Variants in ROR1 observed in about 807,000 individuals in gnomAD.
ROR1 encodes the protein ROR family WNT receptor 1.
In ROR1, 19 loss-of-function variants were observed where a neutral mutation model predicts 78.8. The observed-to-expected ratio is 0.24, with a 90% CI of 0.17 to 0.35. The LOEUF (loss-of-function observed/expected upper bound fraction) is 0.35. Among genes scored for constraint, ROR1 ranks in the 10% least tolerant of loss-of-function variants. The pLI is 1.00. For missense variants in ROR1, 917 were observed against 1,177.8 expected (o/e 0.78, Z 3.24); for synonymous variants, 386 against 433.6 (o/e 0.89, Z 1.36).
At chr1:64,115,437 T>C (rs967140101) in intron 4 of ROR1, among the ~76,000 whole-genome samples, 1 of 151,954 alleles carries the variant, frequency 6.6e-6, no homozygotes, top group African/African-American at 2.4e-5. Context: ...TCTTGTCTTA[T>C]TGCCCAGGCT....
chr1:64,037,210 C>T (rs1035641622), intron 2 of ROR1, among the ~76,000 whole-genome samples: 1 of 152,192 alleles, frequency 6.6e-6, no homozygotes, highest in Non-Finnish European at 1.5e-5. Context: ...AAGGAAAGGG[C>T]ACACAGACTC....
At chr1:63,850,859 G>A (rs1318214775) in intron 1 of ROR1, among the ~76,000 whole-genome samples, 1 of 152,192 alleles carries the variant, frequency 6.6e-6, no homozygotes, top group Admixed American at 6.5e-5. Flanking sequence ...CATAGCAGGA[G>A]ATACTGGGGC....
At chr1:63,993,560 G>A (rs1404637868) in intron 1 of ROR1, among the ~76,000 whole-genome samples, 2 of 152,124 alleles carry the variant, frequency 1.3e-5, no homozygotes, top group East Asian at 3.9e-4. Flanking sequence ...ATATGTATCT[G>A]TGTATAAGAA....
chr1:64,025,818 A>G (rs860644), intron 2 of ROR1, among the ~76,000 whole-genome samples: 143,759 of 152,202 alleles, frequency 0.94, 67,925 homozygotes, highest in East Asian at 1. Flanking sequence ...AAGCTATGAG[A>G]ATGCAAAGGC....
rs180887388 is a variant in ROR1, at chr1:63,847,783, C to G, written c.91+73275C>G. On this transcript the variant is annotated intron_variant, in intron 1 of 8. Coordinates refer to ENST00000371079, the MANE Select transcript of ROR1 (RefSeq NM_005012.4). ...TTCCTTTGACAGAGCTGTGGTTTTC[C>G]TACACACCTTTGTTTGAGGCTTTGA... 1.3e-4 allele frequency among the ~76,000 whole-genome samples: 20 copies of G among 152,252 alleles called. No homozygotes were observed. In the East Asian group the frequency reaches 3.7e-3, roughly 28 times the overall value.
At chr1:63,787,848 C>T (rs901589283) in intron 1 of ROR1, among the ~76,000 whole-genome samples, 4 of 152,212 alleles carry the variant, frequency 2.6e-5, no homozygotes, top group African/African-American at 9.6e-5. Flanking sequence ...TTCAATCCCT[C>T]ATCTGTCACT....
chr1:63,977,399 G>A (rs746864317), intron 1 of ROR1, among the ~76,000 whole-genome samples: 5 of 152,202 alleles, frequency 3.3e-5, no homozygotes, highest in East Asian at 1.9e-4. Context: ...TCATGTTGGC[G>A]CTCCAAAAGT....
intron 1 of ROR1, among the ~76,000 whole-genome samples, chr1:63,922,332 G>A (rs1172842042): frequency 6.6e-6 from 1 of 152,186 alleles, no homozygotes; most frequent in Non-Finnish European, 1.5e-5. Flanking sequence ...CACTTGCCTG[G>A]GGTTTGGTTT....
intron 1 of ROR1, among the ~76,000 whole-genome samples, chr1:63,829,447 A>C (rs1392505728): frequency 6.6e-6 from 1 of 152,178 alleles, no homozygotes; most frequent in African/African-American, 2.4e-5. Flanking sequence ...AGGGATTCCT[A>C]ATTCAGATGT....
chr1:63,822,051 C>A (rs145795271), intron 1 of ROR1, among the ~76,000 whole-genome samples: 2 of 152,122 alleles, frequency 1.3e-5, no homozygotes, highest in East Asian at 3.8e-4. Context: ...GGAAGCTTGC[C>A]GTGATGAATC....
At chr1:64,102,535 T>C (rs1647598208) in intron 4 of ROR1, among the ~76,000 whole-genome samples, 1 of 152,132 alleles carries the variant, frequency 6.6e-6, no homozygotes, top group African/African-American at 2.4e-5. Flanking sequence ...CTCATAGCTG[T>C]GCTTTTATTC....
At chr1:64,017,496 C>T (rs1375250030) in intron 2 of ROR1, among the ~76,000 whole-genome samples, 1 of 152,098 alleles carries the variant, frequency 6.6e-6, no homozygotes, top group Non-Finnish European at 1.5e-5. Flanking sequence ...CGTTTATGGT[C>T]CATCTTGATT....
intron 1 of ROR1, among the ~76,000 whole-genome samples, chr1:63,903,789 T>C (rs1375061645): frequency 6.6e-6 from 1 of 151,874 alleles, no homozygotes; most frequent in Non-Finnish European, 1.5e-5. Flanking sequence ...ATATATTTTC[T>C]CATTCTCTTT....
At chr1:64,153,094 G>A (rs546886886) in intron 7 of ROR1, among the ~76,000 whole-genome samples, 7 of 152,004 alleles carry the variant, frequency 4.6e-5, no homozygotes, top group African/African-American at 7.2e-5. Context: ...AGATTGGCCC[G>A]ATTAAAAAGT....
At position 64,025,612 on chromosome 1, in the gene ROR1, CATATACACACATATGTACATATAT is replaced by C. The variant is rs1177393681; in HGVS notation, c.163+16251_163+16274del. Among the ~76,000 whole-genome samples the C allele has an allele frequency of 3.0e-3, 456 of 152,010 alleles. 2 individuals are homozygous for C. The highest frequency in any genetic ancestry group is 0.01 in the African/African-American group (427 of 41,452). ...ATATATATATGTATATATACATACACATATACACACATATGTACATATATATATACACACATATACACATATATA... is the reference window on the plus strand; with the variant it reads ...ATATATATATGTATATATACATACACATATACACACATATACACATATATA... On this transcript the variant is annotated intron_variant, in intron 2 of 8. Coordinates refer to ENST00000371079, the MANE Select transcript of ROR1 (RefSeq NM_005012.4).
chr1:63,904,344 T>A (rs1224189686), intron 1 of ROR1, among the ~76,000 whole-genome samples: 2 of 152,214 alleles, frequency 1.3e-5, no homozygotes, highest in Non-Finnish European at 2.9e-5. Flanking sequence ...TAGCCAGATG[T>A]TGGCAGAGTT....
intron 2 of ROR1, among the ~76,000 whole-genome samples, chr1:64,012,293 CT>C (rs1646482224): frequency 6.6e-6 from 1 of 152,138 alleles, no homozygotes; most frequent in Admixed American, 6.6e-5. Context: ...GAAAATTCTG[CT>C]GAGGATGTGA....
chr1:64,051,686 AG>A (rs1182120512), intron 4 of ROR1, among the ~76,000 whole-genome samples: 1 of 152,070 alleles, frequency 6.6e-6, no homozygotes, highest in Non-Finnish European at 1.5e-5. Context: ...TCACTTTAAG[AG>A]TATCTACTTG....
chr1:64,093,455 C>T (rs922645872), intron 4 of ROR1, among the ~76,000 whole-genome samples: 2 of 152,084 alleles, frequency 1.3e-5, no homozygotes, highest in African/African-American at 2.4e-5. Context: ...CCTTTTCTTT[C>T]CCCAATACAA....
Sources: gnomAD v4.1 joint callset for allele counts (sites outside exome capture counted in the v4.1 genomes callset) on GRCh38, gnomAD v4.1.1 for gene constraint, MANE v1.5 for transcripts, NCBI Gene and HGNC (gene_info 2026-07-23, HGNC 2026-07-21) for gene names.